The following FAM178B variants were observed in gnomAD, a reference collection of about 807,000 sequenced individuals.
FAM178B encodes protein FAM178B.
A neutral mutation model predicts 91.7 loss-of-function variants in FAM178B; 82 were observed. The ratio of observed to expected loss-of-function variants is 0.89; its 90% CI spans 0.75 to 1.07. FAM178B has a LOEUF of 1.07. Ranked by LOEUF, FAM178B falls within the 50% of genes least tolerant of loss-of-function variation. The pLI is 0.00. For synonymous variants in FAM178B, 368 were observed against 359.4 expected (o/e 1.02, Z -0.27); for missense variants, 769 against 846.7 (o/e 0.91, Z 1.14).
intron 12 of FAM178B, among the ~76,000 whole-genome samples, chr2:96,910,613 G>A (rs1003522689): frequency 6.6e-6 from 1 of 151,490 alleles, no homozygotes; most frequent in African/African-American, 2.4e-5. Flanking sequence ...GCTGGTCCAC[G>A]CCGTTTGTCC....
At chr2:96,967,679 C>T in intron 4 of FAM178B, 52 bp from the exon 5 acceptor site, 1 of 1,281,312 alleles carries the variant, frequency 7.8e-7, no homozygotes, top group Non-Finnish European at 1.1e-6. Flanking sequence ...CCCCATCGTG[C>T]AACCCTGTCA....
At chr2:96,902,540 T>A in intron 13 of FAM178B, 80 bp downstream of exon 13, 1 of 957,056 alleles carries the variant, frequency 1.0e-6, no homozygotes, top group Non-Finnish European at 1.6e-6. Flanking sequence ...CTCTGGGGCC[T>A]GATGTTCCTG....
intron 1 of FAM178B, chr2:96,977,671 C>A: frequency 2.8e-6 from 1 of 356,030 alleles, no homozygotes; most frequent in Non-Finnish European, 5.6e-6. Context: ...AGAAGAATTC[C>A]ATACAGCAAA....
chr2:96,922,684 T>C (rs1241402289), intron 10 of FAM178B, among the ~76,000 whole-genome samples: 1 of 151,776 alleles, frequency 6.6e-6, no homozygotes, highest in African/African-American at 2.4e-5. Flanking sequence ...TTGCTTTCAT[T>C]TTACTCTATG....
At chr2:96,931,962 C>T (rs2081547452) in intron 8 of FAM178B, among the ~76,000 whole-genome samples, 1 of 151,828 alleles carries the variant, frequency 6.6e-6, no homozygotes, top group African/African-American at 2.4e-5. Flanking sequence ...CTGCAAAACA[C>T]AATGAGACTC....
At chr2:96,932,073 C>T (rs1374613740) in intron 8 of FAM178B, among the ~76,000 whole-genome samples, 1 of 152,212 alleles carries the variant, frequency 6.6e-6, no homozygotes. Context: ...GAGGGGAAGA[C>T]AATCAACCTA....
At chr2:96,920,913 G>T (rs2081326465) in intron 12 of FAM178B, among the ~76,000 whole-genome samples, 1 of 152,208 alleles carries the variant, frequency 6.6e-6, no homozygotes, top group South Asian at 2.1e-4. Flanking sequence ...AAAGAAAGGA[G>T]AGTGGGGGCC....
intron 14 of FAM178B, among the ~76,000 whole-genome samples, chr2:96,886,188 AG>A (rs750622602): frequency 6.7e-6 from 1 of 150,040 alleles, no homozygotes; most frequent in Non-Finnish European, 1.5e-5. Context: ...AGAGTGTCCC[AG>A]CCTCCTGTCC....
intron 1 of FAM178B, among the ~76,000 whole-genome samples, chr2:96,982,225 AAT>A (rs1466542748): frequency 1.3e-5 from 2 of 152,024 alleles, no homozygotes; most frequent in African/African-American, 4.8e-5. Flanking sequence ...ACAGTACATA[AAT>A]ATATATATTC....
At chr2:96,976,419 T>C (rs185603008) in intron 1 of FAM178B, among the ~76,000 whole-genome samples, 153 of 151,544 alleles carry the variant, frequency 1.0e-3, no homozygotes, top group African/African-American at 2.8e-3. Context: ...AACTTAAACA[T>C]TGAAATCATA....
chr2:96,974,897 C>A (rs190807904), intron 1 of FAM178B, among the ~76,000 whole-genome samples: 1,803 of 151,990 alleles, frequency 0.012, 18 homozygotes, highest in Non-Finnish European at 0.021. Flanking sequence ...TCGAGACCAG[C>A]CTGGCCAACA....
chr2:96,877,489 G>A (rs779817475), intron 16 of FAM178B, among the ~76,000 whole-genome samples: 5 of 149,244 alleles, frequency 3.4e-5, no homozygotes, highest in African/African-American at 9.9e-5. Flanking sequence ...TGCAACCTCC[G>A]CCTCCTGGGT....
chr2:96,937,851 C>A (rs576004051), intron 8 of FAM178B, among the ~76,000 whole-genome samples: 2 of 152,164 alleles, frequency 1.3e-5, no homozygotes, highest in East Asian at 3.9e-4. Context: ...CACAGTGAGA[C>A]CCTATCTCTA....
At chr2:96,916,413 C>T (rs369237747) in intron 12 of FAM178B, among the ~76,000 whole-genome samples, 5 of 152,214 alleles carry the variant, frequency 3.3e-5, no homozygotes, top group African/African-American at 4.8e-5. Flanking sequence ...AGGCAGCCTG[C>T]GGGAGCTGGC....
chr2:96,986,276 T>C lies in FAM178B; in HGVS notation c.38A>G (p.Gln13Arg). ...GAGCCGCTGATCCTGCCTCCTGAGT[T>C]GTGGAGCGAGGCCCGCACCTGGAAG... ...PRLPGAGLAPQLRRQDQRLHF... is the reference protein window; with the variant it reads ...PRLPGAGLAPRLRRQDQRLHF... Residue 13 changes from glutamine (Q) to arginine (R), a missense_variant, in exon 1 of 17, where the codon CAA becomes CGA. Coordinates refer to ENST00000490605, the MANE Select transcript of FAM178B (RefSeq NM_001122646.3). 1 of 1,534,440 alleles carries C rather than the reference T, an allele frequency of 6.5e-7. No individual in the cohort carries two copies. The highest frequency in any genetic ancestry group is 8.7e-7 in the Non-Finnish European group (1 of 1,146,750).
chr2:96,925,093 G>T (rs994292317), intron 9 of FAM178B, among the ~76,000 whole-genome samples: 1 of 152,096 alleles, frequency 6.6e-6, no homozygotes, highest in South Asian at 2.1e-4. Flanking sequence ...CGCAGGCTGG[G>T]CCTGCGCCAG....
chr2:96,879,934 G>A (rs1463919653), intron 14 of FAM178B, among the ~76,000 whole-genome samples: 6 of 152,232 alleles, frequency 3.9e-5, no homozygotes, highest in Non-Finnish European at 7.3e-5. Context: ...TTGCCTTTGC[G>A]ACTCTGTCCA....
At chr2:96,904,099 ACTAAAGATGT>A (rs2080985398) in intron 12 of FAM178B, among the ~76,000 whole-genome samples, 1 of 152,160 alleles carries the variant, frequency 6.6e-6, no homozygotes, top group Non-Finnish European at 1.5e-5. Flanking sequence ...GGCAAGATCT[ACTAAAGATGT>A]GTAGATGCCC....
At chr2:96,877,805 G>C (rs142888385) in intron 16 of FAM178B, 85 bp downstream of exon 16, 1 of 1,360,414 alleles carries the variant, frequency 7.4e-7, no homozygotes, top group Non-Finnish European at 1.0e-6. Context: ...CAGCTGCAGC[G>C]GGGGTGGATG....
Sources: allele counts gnomAD v4.1 joint callset (sites outside exome capture counted in the v4.1 genomes callset), GRCh38; gene constraint gnomAD v4.1.1; transcripts MANE v1.5; gene names NCBI Gene and HGNC (gene_info 2026-07-23, HGNC 2026-07-21).